RAB40B: variants seen among roughly 807,000 people sequenced by gnomAD.
RAB40B encodes the protein ras-related protein Rab-40B.
Under a neutral mutation model 24.0 loss-of-function variants are expected in RAB40B, and 21 were observed. That is an observed-to-expected ratio of 0.88 (90% CI 0.62 to 1.26). The LOEUF (loss-of-function observed/expected upper bound fraction) is 1.26. RAB40B is among the 50% of genes most tolerant of loss of function. The pLI, the probability that RAB40B is intolerant of heterozygous loss-of-function variation, is 0.00. For synonymous variants in RAB40B, 167 were observed against 169.8 expected (o/e 0.98, Z 0.13); for missense variants, 348 against 390.5 (o/e 0.89, Z 0.92).
Position 82,698,504 on chromosome 17 carries a change from C to A in RAB40B, c.93G>T (p.Leu31=). 1 of 1,518,874 alleles carries A rather than the reference C, an allele frequency of 6.6e-7. No homozygotes were observed. The highest frequency in any genetic ancestry group is 1.2e-5 in the South Asian group (1 of 84,502). The allele number at this position is 1,518,874 out of a possible 1,614,324, so 94.1% of individuals were successfully genotyped here. ...GDSDVGKGEI[L]ASLQDGAAES... ...CGGCCGCGCCATCCTGCAGGCTCGC[C>A]AGGATCTCGCCCTTGCCCACGTCGC... Residue 31 remains leucine (L), a synonymous_variant, in exon 1 of 6, where the codon CTG becomes CTT. Transcript: ENST00000571995.
intron 1 of RAB40B, among the ~76,000 whole-genome samples, chr17:82,696,031 G>C (rs906538364): frequency 6.6e-6 from 1 of 151,544 alleles, no homozygotes; most frequent in East Asian, 1.9e-4. Context: ...CACCATGCTC[G>C]GCTAATTTTT....
In RAB40B at chr17:82,667,818, G is replaced by A. The variant is rs1458704191; in HGVS notation, c.143-3262C>T. 3.3e-5 allele frequency among the ~76,000 whole-genome samples: 5 copies of A among 152,270 alleles called. No individual in the cohort carries two copies. Among genetic ancestry groups the A allele is most frequent in the Non-Finnish European group, 2.9e-5 (2 of 68,034 alleles). ...CCCCGTGATGAGGCTCAGACAGAGCGGCCAAGCAGTCCCCTGACCCACCCA... is the reference window on the plus strand; with the variant it reads ...CCCCGTGATGAGGCTCAGACAGAGCAGCCAAGCAGTCCCCTGACCCACCCA... On this transcript the variant is annotated intron_variant, in intron 1 of 5. Coordinates refer to ENST00000571995, the MANE Select transcript of RAB40B (RefSeq NM_006822.3). This position sits in a 1 kb window ranked among gnomAD's most constrained non-coding sequence, Gnocchi z 4.3.
chr17:82,694,091 A>T (rs2459719), intron 1 of RAB40B, among the ~76,000 whole-genome samples: 98,538 of 141,820 alleles, frequency 0.69, 35,027 homozygotes, highest in East Asian at 0.84. Flanking sequence ...TCAAAAAAAA[A>T]AAAAAAAAAA....
chr17:82,662,714 G>A (rs1346408455), intron 2 of RAB40B: 2 of 985,320 alleles, frequency 2.0e-6, no homozygotes, highest in African/African-American at 1.7e-5. Flanking sequence ...GGGATTCTGA[G>A]CTTGGCAGAA....
chr17:82,662,428 C>G lies in RAB40B; in HGVS notation c.204-1381G>C, dbSNP rs558948672. The G allele has an allele frequency of 4.1e-6, 4 of 985,458 alleles. No homozygotes were observed. In the South Asian group the frequency reaches 1.4e-4, roughly 35 times the overall value. 61.0% of individuals were successfully genotyped at this position (985,458 alleles called of 1,614,324 possible). On this transcript the variant is annotated intron_variant, in intron 2 of 5. Transcript: ENST00000571995. ...TGCCCCATCGTGAAGTGGGAGCACT[C>G]CCTCCTCAGCTGGGACAACGTGCCG...
chr17:82,661,780 G>A (rs1389636533), intron 2 of RAB40B: 4 of 357,030 alleles, frequency 1.1e-5, no homozygotes, highest in South Asian at 1.1e-4. Context: ...CCAGCTACTC[G>A]GAAGGCTGAG....
rs548349383 is a variant in RAB40B at position 82,686,009 on chromosome 17, G to A, written c.142+12446C>T. Among the ~76,000 whole-genome samples, 313 of 151,906 alleles carry A rather than the reference G, an allele frequency of 2.1e-3. 2 individuals are homozygous for A. The highest frequency in any genetic ancestry group is 3.9e-3 in the South Asian group (19 of 4,812). On this transcript the variant is annotated intron_variant, in intron 1 of 5. Transcript: ENST00000571995. ...AGTAGAGACGGGGTTTCACCATGTT[G>A]GCCAGGCTGGTCTCAAACTGCTGAA...
At chr17:82,676,954 A>T (rs2046400801) in intron 1 of RAB40B, among the ~76,000 whole-genome samples, 1 of 139,876 alleles carries the variant, frequency 7.1e-6, no homozygotes, top group Non-Finnish European at 1.6e-5. Flanking sequence ...TTATTTATTT[A>T]TTTATTTTTT....
At chr17:82,659,151 G>A (rs542611581) in intron 4 of RAB40B, 2 of 243,540 alleles carry the variant, frequency 8.2e-6, no homozygotes, top group African/African-American at 4.5e-5. Flanking sequence ...CCCAGGTTGT[G>A]GTCGTCGGTT....
intron 1 of RAB40B, among the ~76,000 whole-genome samples, chr17:82,686,967 G>T (rs1345562376): frequency 6.6e-6 from 1 of 151,768 alleles, no homozygotes; most frequent in African/African-American, 2.4e-5. Flanking sequence ...CCCGTCCAGT[G>T]CTGGGGGGAA....
intron 1 of RAB40B, among the ~76,000 whole-genome samples, chr17:82,671,126 C>T (rs181201488): frequency 3.0e-4 from 46 of 152,002 alleles, no homozygotes; most frequent in Non-Finnish European, 3.1e-4. Context: ...CGGTCACTGA[C>T]ACACCCCACC....
At position 82,663,471 on chromosome 17, in the gene RAB40B, T is replaced by A. The variant is rs2046202545; in HGVS notation, c.203+1025A>T. Among the ~76,000 whole-genome samples the A allele has an allele frequency of 6.6e-6, 1 of 151,744 alleles. No homozygotes were observed. The highest frequency in any genetic ancestry group is 1.5e-5 in the Non-Finnish European group (1 of 67,880). On this transcript the variant is annotated intron_variant, in intron 2 of 5. Coordinates refer to ENST00000571995, the MANE Select transcript of RAB40B (RefSeq NM_006822.3). The surrounding 1 kb of genome is among the most constrained non-coding windows in gnomAD (Gnocchi z 6.2). ...GCTGGAACCGCAGGAGCTCCCCCCATCCCAAGCCAAGAGCGGGTGGAGGGA... is the reference window on the plus strand; with the variant it reads ...GCTGGAACCGCAGGAGCTCCCCCCAACCCAAGCCAAGAGCGGGTGGAGGGA...
At chr17:82,698,412 G>T in intron 1 of RAB40B, 43 bp downstream of exon 1, 1 of 397,852 alleles carries the variant, frequency 2.5e-6, no homozygotes, top group Non-Finnish European at 3.0e-6. Flanking sequence ...GCCCCTCCCC[G>T]GCCCCGCGCC....
rs1383001311 is a variant in RAB40B, at chr17:82,692,072, G to GTCAA, written c.142+6382_142+6383insTTGA. Among the ~76,000 whole-genome samples the GTCAA allele has an allele frequency of 5.5e-5, 5 of 91,468 alleles. No homozygotes were observed. Among genetic ancestry groups the GTCAA allele is most frequent in the Middle Eastern group, 5.7e-3 (1 of 176 alleles). The allele number at this position is 91,468 out of a possible 152,430, so 60.0% of individuals were successfully genotyped here. A position where few individuals can be genotyped will look rare whatever the true frequency, so the allele number is the denominator to read the frequency against. On this transcript the variant is annotated intron_variant, in intron 1 of 5. Transcript: ENST00000571995. This position sits in a 1 kb window ranked among gnomAD's most constrained non-coding sequence, Gnocchi z 4.0. ...GGGGCCCGCACGGTCCGTGGGCTGA[G>GTCAA]GTGACAGGCAGAGCAGTGGGGCCCG...
chr17:82,686,483 T>C (rs1015469251), intron 1 of RAB40B, among the ~76,000 whole-genome samples: 2 of 152,196 alleles, frequency 1.3e-5, no homozygotes, highest in African/African-American at 4.8e-5. Context: ...ATCCAATGGC[T>C]AGTGTTCTTA....
rs368810423 is a variant in RAB40B at position 82,666,055 on chromosome 17, C to T, written c.143-1499G>A. 5.5e-3 allele frequency among the ~76,000 whole-genome samples: 823 copies of T among 150,840 alleles called. 3 individuals are homozygous for T. The highest frequency in any genetic ancestry group is 8.4e-3 in the Non-Finnish European group (569 of 67,446). On this transcript the variant is annotated intron_variant, in intron 1 of 5. Coordinates refer to ENST00000571995, the MANE Select transcript of RAB40B (RefSeq NM_006822.3). ...CTGCACCTGCCACCACACCTGCCAC[C>T]GCACCTGCCACCGCACCTGCCACCA...
At position 82,659,605 on chromosome 17, in the gene RAB40B, T is replaced by A. The variant is rs140084045; in HGVS notation, c.317A>T (p.Asp106Val). 1 of 1,614,108 alleles carries A rather than the reference T, an allele frequency of 6.2e-7. No individual in the cohort carries two copies. Among genetic ancestry groups the A allele is most frequent in the African/African-American group, 1.3e-5 (1 of 75,012 alleles). Reference sequence around the variant, plus strand: ...CTCATCGATCTCCTTAATCCATCGATCAATGCCGTCAAAAGACCAGCGGTT... The same window carrying A: ...CTCATCGATCTCCTTAATCCATCGAACAATGCCGTCAAAAGACCAGCGGTT... ...IANRWSFDGIDRWIKEIDEHA... is the reference protein window; with the variant it reads ...IANRWSFDGIVRWIKEIDEHA... The change falls in exon 4 of 6, where the codon GAT becomes GTT. Residue 106 changes from aspartate (D) to valine (V), a missense_variant. Around this residue, in one of 3 missense-constraint regions of RAB40B, gnomAD observed 126 missense variants for 181.0 expected, o/e 0.70. Coordinates refer to ENST00000571995, the MANE Select transcript of RAB40B (RefSeq NM_006822.3).
rs2046626136 is a variant in RAB40B, at chr17:82,697,785, C to A, written c.142+670G>T. Among the ~76,000 whole-genome samples the A allele has an allele frequency of 6.6e-6, 1 of 152,218 alleles. No individual in the cohort carries two copies. Among genetic ancestry groups the A allele is most frequent in the Non-Finnish European group, 1.5e-5 (1 of 68,028 alleles). On this transcript the variant is annotated intron_variant, in intron 1 of 5. Transcript: ENST00000571995. This position sits in a 1 kb window ranked among gnomAD's most constrained non-coding sequence, Gnocchi z 4.9. ...GATCCCCGGGCTGCCTGCCTGGGAG[C>A]TCTGGGCGCTCCGGCCTCCCCTCGC... is the stretch of plus-strand genomic sequence containing the variant.
intron 5 of RAB40B, 32 bp from the exon 6 acceptor site, chr17:82,658,166 G>T: frequency 6.3e-7 from 1 of 1,597,144 alleles, no homozygotes; most frequent in Non-Finnish European, 8.5e-7. Context: ...CTTGCTTAGT[G>T]GATGTCCCCA....
Sources: gnomAD v4.1 joint callset for allele counts (sites outside exome capture counted in the v4.1 genomes callset) on GRCh38, gnomAD v4.1.1 for gene constraint, gnomAD v4.1.1 regional missense constraint, Gnocchi (gnomAD v3.1) non-coding constraint, MANE v1.5 for transcripts, NCBI Gene and HGNC (gene_info 2026-07-23, HGNC 2026-07-21) for gene names.